The following CASP9 variants were observed in gnomAD, a reference collection of about 807,000 sequenced individuals.
CASP9 encodes the protein caspase-9.
CASP9 carries 29 observed loss-of-function variants against 43.5 expected under a neutral mutation model. That is an observed-to-expected ratio of 0.67 (90% CI 0.50 to 0.91). The LOEUF (loss-of-function observed/expected upper bound fraction) is 0.91, where lower values mean the gene tolerates loss of function less well. CASP9 is among the 40% of genes least tolerant of loss of function. The probability of loss-of-function intolerance (pLI) is 0.00; values close to 1 mark genes in which losing one functional copy is unlikely to be tolerated. For synonymous variants in CASP9, 206 were observed against 211.9 expected (o/e 0.97, Z 0.24); for missense variants, 575 against 537.4 (o/e 1.07, Z -0.69).
At chr1:15,499,057 C>T (rs1172531829) in intron 6 of CASP9, among the ~76,000 whole-genome samples, 3 of 152,100 alleles carry the variant, frequency 2.0e-5, no homozygotes, top group African/African-American at 4.8e-5. Context: ...TTTCCAATGG[C>T]GGCTGGAAAG....
At chr1:15,494,115 T>G (rs1212386717) in intron 7 of CASP9, 114 bp from the exon 8 acceptor site, 4 of 1,282,570 alleles carry the variant, frequency 3.1e-6, no homozygotes, top group African/African-American at 1.5e-5. Flanking sequence ...GACTCATACA[T>G]ACATCCAACA....
At chr1:15,517,506 C>T (rs1194059224) in intron 2 of CASP9, among the ~76,000 whole-genome samples, 1 of 152,064 alleles carries the variant, frequency 6.6e-6, no homozygotes, top group East Asian at 1.9e-4. Context: ...TGTTAGTTAC[C>T]TGTGGGTATG....
At chr1:15,507,143 C>A in intron 3 of CASP9, 68 bp from the exon 4 acceptor site, 1 of 1,594,864 alleles carries the variant, frequency 6.3e-7, no homozygotes, top group African/African-American at 1.3e-5. Context: ...TCTGGAGAGG[C>A]GGGAAGAAAA....
upstream of CASP9, chr1:15,524,356 A>G (rs1406168043): frequency 2.2e-6 from 3 of 1,365,298 alleles, no homozygotes; most frequent in Non-Finnish European, 2.8e-6. Context: ...ACGCATCTCC[A>G]AGGCCTCGCC....
At chr1:15,494,680 G>A (rs909301686) in intron 7 of CASP9, among the ~76,000 whole-genome samples, 4 of 151,658 alleles carry the variant, frequency 2.6e-5, no homozygotes, top group African/African-American at 9.7e-5. Context: ...TGGCTAACAC[G>A]GTGAAACCCC....
intron 6 of CASP9, among the ~76,000 whole-genome samples, chr1:15,501,320 C>T (rs1709320468): frequency 6.6e-6 from 1 of 151,998 alleles, no homozygotes; most frequent in African/African-American, 2.4e-5. Flanking sequence ...GGTGCTGTTA[C>T]CTCCTAATGA....
At chr1:15,516,621 TCA>T (rs1366640863) in intron 2 of CASP9, among the ~76,000 whole-genome samples, 15 of 152,194 alleles carry the variant, frequency 9.9e-5, no homozygotes, top group Admixed American at 6.5e-5. Flanking sequence ...TCCTACAGGC[TCA>T]CACCACCACA....
intron 2 of CASP9, among the ~76,000 whole-genome samples, chr1:15,514,064 T>C (rs1054291726): frequency 9.2e-5 from 14 of 152,218 alleles, no homozygotes; most frequent in African/African-American, 3.1e-4. Flanking sequence ...TGAATATGTA[T>C]GAGTGCAGTG....
At chr1:15,510,295 C>T (rs956727037) in intron 2 of CASP9, among the ~76,000 whole-genome samples, 1 of 152,204 alleles carries the variant, frequency 6.6e-6, no homozygotes, top group East Asian at 1.9e-4. Flanking sequence ...GGAGCCCATA[C>T]TCCTGTTCCA....
chr1:15,522,827 A>G (rs1351590697), intron 1 of CASP9, among the ~76,000 whole-genome samples: 1 of 152,250 alleles, frequency 6.6e-6, no homozygotes, highest in Non-Finnish European at 1.5e-5. Flanking sequence ...TTGGTCCTCC[A>G]TGGGCATTTG....
Position 15,518,406 on chromosome 1 carries a change from A to G in CASP9, c.133-11T>C. On this transcript the variant is annotated splice_polypyrimidine_tract_variant and intron_variant, in intron 1 of 8. Transcript: ENST00000333868. ...TCCAGAGCCTGCCCGCTGTTTGGAA[A>G]GAAAGGCAGGATACTAATTATCCAC... 6.2e-7 allele frequency: 1 copy of G among 1,606,488 alleles called. No individual in the cohort carries two copies. Among genetic ancestry groups the G allele is most frequent in the Non-Finnish European group, 8.5e-7 (1 of 1,175,488 alleles).
Position 15,518,272 on chromosome 1 carries a change from C to T in CASP9, c.256G>A (p.Ala86Thr). 1 of 1,614,208 alleles carries T rather than the reference C, an allele frequency of 6.2e-7. No homozygotes were observed. ...CLEDTGQDML[A>T]SFLRTNRQAA... ...TGCCTGTTAGTTCGCAGAAACGAAGCCAGCATGTCCTGGCCTGTGTCCTCT... is the reference window on the plus strand; with the variant it reads ...TGCCTGTTAGTTCGCAGAAACGAAGTCAGCATGTCCTGGCCTGTGTCCTCT... The change falls in exon 2 of 9, where the codon GCT (alanine) becomes ACT (threonine). Residue 86 changes from alanine (A) to threonine (T), a missense_variant. Ala to Thr is a moderately conservative substitution (Grantham distance 58). Coordinates refer to ENST00000333868, the MANE Select transcript of CASP9 (RefSeq NM_001229.5).
chr1:15,510,573 A>G (rs887395229), intron 2 of CASP9, among the ~76,000 whole-genome samples: 13 of 152,180 alleles, frequency 8.5e-5, no homozygotes, highest in Admixed American at 5.9e-4. Flanking sequence ...TTGATAAAGC[A>G]AAATGACTGC....
At chr1:15,524,726 T>G, upstream of CASP9, 1 of 1,014,250 alleles carries the variant, frequency 9.9e-7, no homozygotes, top group Non-Finnish European at 1.2e-6. Context: ...CAGGGTCAAT[T>G]CTGGGGTCAC....
intron 8 of CASP9, 102 bp from the exon 9 acceptor site, chr1:15,493,137 A>T: frequency 6.4e-7 from 1 of 1,555,588 alleles, no homozygotes; most frequent in Non-Finnish European, 8.6e-7. Flanking sequence ...CCGCACCTTA[A>T]AAACAGCTCA....
intron 5 of CASP9, 28 bp downstream of exon 5, chr1:15,505,962 G>C: frequency 2.5e-6 from 4 of 1,573,800 alleles, no homozygotes; most frequent in Non-Finnish European, 3.5e-6. Flanking sequence ...CCCAATGCCT[G>C]CCCAGGGAAC....
intron 2 of CASP9, among the ~76,000 whole-genome samples, chr1:15,513,103 G>C (rs1262623616): frequency 6.6e-6 from 1 of 151,092 alleles, no homozygotes; most frequent in East Asian, 1.9e-4. Flanking sequence ...AGAGCTTGCA[G>C]TGTGCGGAGA....
At chr1:15,518,881 T>G (rs575785093) in intron 1 of CASP9, among the ~76,000 whole-genome samples, 20 of 152,082 alleles carry the variant, frequency 1.3e-4, no homozygotes, top group East Asian at 1.2e-3. Flanking sequence ...TTTGTTTTTT[T>G]TTTTTTTTCT....
chr1:15,496,982 T>A (rs1709125585), intron 6 of CASP9, among the ~76,000 whole-genome samples: 1 of 151,906 alleles, frequency 6.6e-6, no homozygotes. Flanking sequence ...GCCACTGCAC[T>A]TCAGCCTGGG....
Sources: gnomAD v4.1 joint callset for allele counts (sites outside exome capture counted in the v4.1 genomes callset) on GRCh38, gnomAD v4.1.1 for gene constraint, MANE v1.5 for transcripts, NCBI Gene and HGNC (gene_info 2026-07-23, HGNC 2026-07-21) for gene names.